Variants in IQUB observed in about 807,000 individuals in gnomAD.
The protein encoded by IQUB is IQ motif and ubiquitin domain containing.
Under a neutral mutation model 86.4 loss-of-function variants are expected in IQUB, and 86 were observed. The ratio of observed to expected loss-of-function variants is 1.00; its 90% CI spans 0.84 to 1.19. The LOEUF is 1.19. IQUB is among the 50% of genes most tolerant of loss of function. IQUB has a pLI of 0.00. For synonymous variants in IQUB, 289 were observed against 304.5 expected, an observed-to-expected ratio of 0.95 and a Z score of 0.53; for missense variants, 946 against 916.9, an observed-to-expected ratio of 1.03 and a Z score of -0.41.
chr7:123,473,707 C>G (rs190900193), intron 8 of IQUB, among the ~76,000 whole-genome samples: 1 of 150,492 alleles, frequency 6.6e-6, no homozygotes, highest in African/African-American at 2.4e-5. Context: ...TCCCGAGTAG[C>G]TGGGATTACA....
At chr7:123,499,136 G>A (rs77143860) in intron 6 of IQUB, among the ~76,000 whole-genome samples, 12 of 150,864 alleles carry the variant, frequency 8.0e-5, no homozygotes, top group East Asian at 1.9e-4. Flanking sequence ...CTTTTTAGGC[G>A]AAGTCTCACT....
intron 6 of IQUB, among the ~76,000 whole-genome samples, chr7:123,497,364 TA>T (rs1234786199): frequency 4.6e-5 from 7 of 152,170 alleles, no homozygotes; most frequent in African/African-American, 1.7e-4. Flanking sequence ...ATCTCCATCT[TA>T]TCTTAAATGC....
chr7:123,502,872 T>C, intron 5 of IQUB, 72 bp downstream of exon 5: 1 of 1,431,444 alleles, frequency 7.0e-7, no homozygotes, highest in Non-Finnish European at 9.5e-7. Flanking sequence ...TAAGAGAAAT[T>C]TGAGAGAGTC....
intron 7 of IQUB, among the ~76,000 whole-genome samples, chr7:123,481,322 A>G (rs896854154): frequency 9.9e-5 from 15 of 152,098 alleles, no homozygotes; most frequent in Non-Finnish European, 1.5e-5. Context: ...TTTTCTGTCC[A>G]TGTAAGTCAA....
intron 7 of IQUB, among the ~76,000 whole-genome samples, chr7:123,485,846 G>A (rs1397684772): frequency 6.6e-6 from 1 of 152,170 alleles, no homozygotes; most frequent in Non-Finnish European, 1.5e-5. Context: ...AGACAGTGGT[G>A]TGTACAGAGA....
At chr7:123,532,711 T>A (rs923397696) in intron 1 of IQUB, 1 of 152,044 alleles carries the variant, frequency 6.6e-6, no homozygotes, top group Admixed American at 6.5e-5. Flanking sequence ...CATTGGGCGC[T>A]CCGCCCAAGG....
At chr7:123,472,102 G>A (rs1252503414) in intron 8 of IQUB, among the ~76,000 whole-genome samples, 1 of 151,914 alleles carries the variant, frequency 6.6e-6, no homozygotes, top group African/African-American at 2.4e-5. Context: ...GCTGAGTGCG[G>A]TGGCACTCAC....
intron 1 of IQUB, among the ~76,000 whole-genome samples, chr7:123,519,633 C>T (rs375810724): frequency 2.6e-5 from 4 of 151,902 alleles, no homozygotes; most frequent in African/African-American, 7.3e-5. Flanking sequence ...ATGATGGTTA[C>T]CAGAAGCTGA....
At chr7:123,530,823 C>G (rs1797502028) in intron 1 of IQUB, among the ~76,000 whole-genome samples, 2 of 151,834 alleles carry the variant, frequency 1.3e-5, no homozygotes, top group Non-Finnish European at 2.9e-5. Flanking sequence ...ATTATAGGCA[C>G]CCCCCACCAT....
At chr7:123,476,927 G>T (rs1034701685) in intron 8 of IQUB, among the ~76,000 whole-genome samples, 2 of 152,084 alleles carry the variant, frequency 1.3e-5, no homozygotes, top group Admixed American at 1.3e-4. Context: ...ACTGCTCAAT[G>T]AAATAAAAGA....
At chr7:123,508,620 A>G (rs969063809) in intron 3 of IQUB, among the ~76,000 whole-genome samples, 1 of 152,234 alleles carries the variant, frequency 6.6e-6, no homozygotes, top group African/African-American at 2.4e-5. Flanking sequence ...AGGTATAAAG[A>G]ACAGAGAAAT....
chr7:123,518,544 C>A (rs983426780), intron 1 of IQUB, among the ~76,000 whole-genome samples: 12 of 152,114 alleles, frequency 7.9e-5, no homozygotes, highest in African/African-American at 2.9e-4. Flanking sequence ...ATATCTAGGG[C>A]TGATCTCCCT....
intron 7 of IQUB, among the ~76,000 whole-genome samples, chr7:123,491,869 C>T (rs377086032): frequency 3.9e-5 from 6 of 152,128 alleles, no homozygotes; most frequent in East Asian, 3.9e-4. Context: ...AAAAAAAAGT[C>T]ACAGATCAAT....
In IQUB at chr7:123,509,957, T is replaced by C. The variant is rs549358561; in HGVS notation, c.476A>G (p.Asp159Gly). The change falls in exon 3 of 13, where the codon GAC (aspartate) becomes GGC (glycine). Residue 159 changes from aspartate to glycine, a missense_variant. By Grantham distance (94) the Asp-to-Gly change is moderately conservative. Transcript: ENST00000324698. ...GATACCTAATAAGTGTGAAAAATGGTCCTTAAGATATTTAAGAATGGTATC... is the reference window on the plus strand; with the variant it reads ...GATACCTAATAAGTGTGAAAAATGGCCCTTAAGATATTTAAGAATGGTATC... ...KVDTILKYLK[D>G]HFSHLLGIPH... 46 of 1,608,108 alleles carry C rather than the reference T, an allele frequency of 2.9e-5. No individual in the cohort carries two copies. In the South Asian group the frequency reaches 4.6e-4, roughly 16 times the overall value.
At chr7:123,497,012 T>C (rs1562857660) in intron 6 of IQUB, 106 bp from the exon 7 acceptor site, 1 of 684,420 alleles carries the variant, frequency 1.5e-6, no homozygotes, top group Non-Finnish European at 2.4e-6. Flanking sequence ...ACAAAATAAC[T>C]GAGTCTAGTT....
At chr7:123,461,200 A>C (rs10261956) in intron 11 of IQUB, among the ~76,000 whole-genome samples, 157 bp downstream of exon 11, 1 of 151,666 alleles carries the variant, frequency 6.6e-6, no homozygotes, top group African/African-American at 2.4e-5. Context: ...GGTGAGCAGG[A>C]GGGAAAAAAA....
chr7:123,519,060 TACTC>T (rs1796785273), intron 1 of IQUB, among the ~76,000 whole-genome samples: 1 of 151,946 alleles, frequency 6.6e-6, no homozygotes, highest in African/African-American at 2.4e-5. Flanking sequence ...TATGAAAAAA[TACTC>T]AACATCAATA....
intron 1 of IQUB, among the ~76,000 whole-genome samples, chr7:123,534,042 GGTTT>G (rs1191469423): frequency 1.3e-5 from 2 of 152,146 alleles, no homozygotes; most frequent in Non-Finnish European, 2.9e-5. Flanking sequence ...TGAATTTTTA[GGTTT>G]GTTAAGAGGC....
intron 8 of IQUB, among the ~76,000 whole-genome samples, chr7:123,478,187 A>G (rs1458088199): frequency 6.6e-6 from 1 of 152,184 alleles, no homozygotes; most frequent in African/African-American, 2.4e-5. Context: ...CTTGGAACCA[A>G]CCCAAATGTC....
Sources: allele counts gnomAD v4.1 joint callset (sites outside exome capture counted in the v4.1 genomes callset), GRCh38; gene constraint gnomAD v4.1.1; transcripts MANE v1.5; gene names NCBI Gene and HGNC (gene_info 2026-07-23, HGNC 2026-07-21).